The following HADH variants were observed in gnomAD, a reference collection of about 807,000 sequenced individuals.
The protein encoded by HADH is hydroxyacyl-CoA dehydrogenase, also known as hydroxyacyl-coenzyme A dehydrogenase, mitochondrial.
In HADH, 24 loss-of-function variants were observed where a neutral mutation model predicts 32.2. The ratio of observed to expected loss-of-function variants is 0.75; its 90% CI spans 0.54 to 1.05. HADH has a LOEUF of 1.05. HADH is among the 50% of genes least tolerant of loss of function. HADH has a pLI of 0.00. For missense variants in HADH, 350 were observed against 397.1 expected (o/e 0.88, Z 1.01); for synonymous variants, 139 against 152.5 (o/e 0.91, Z 0.65).
intron 5 of HADH, chr4:108,026,025 A>G (rs1736057880): frequency 2.0e-5 from 3 of 152,142 alleles, no homozygotes; most frequent in African/African-American, 7.2e-5. Context: ...TTTTTTGATT[A>G]CTAGTGAGTT....
rs11423497 is a variant in HADH, at chr4:107,993,906, G to GTT, written c.132+3848_132+3849dup. On this transcript the variant is annotated intron_variant, in intron 1 of 7. Transcript: ENST00000309522. ...ATGAGCCTTGAGTGGGGGACAGGTTGTTTTTTTGCTTTATAAAGAGGAAAA... is the reference window on the plus strand; with the variant it reads ...ATGAGCCTTGAGTGGGGGACAGGTTGTTTTTTTTTGCTTTATAAAGAGGAAAA... 5.9e-5 allele frequency among the ~76,000 whole-genome samples: 9 copies of GTT among 152,068 alleles called. 1 individual carries two copies. The highest frequency in any genetic ancestry group is 1.7e-4 in the African/African-American group (7 of 41,428).
rs533061638 is a variant in HADH, at chr4:108,003,479, C to T, written c.133-6280C>T. On this transcript the variant is annotated intron_variant, in intron 1 of 7. Transcript: ENST00000309522. ...TTCAAATCATAGCCAGGTTTTAAAC[C>T]CAGGAACTCCAACTATAGGCTTGTT... Among the ~76,000 whole-genome samples the T allele has an allele frequency of 1.8e-4, 27 of 152,220 alleles. 2 individuals carry two copies. The South Asian group carries it at 2.7e-3, about 15-fold the overall frequency.
At position 108,024,691 on chromosome 4, in the gene HADH, T is replaced by C. The variant is rs1490178947; in HGVS notation, c.636+1128T>C. The C allele has an allele frequency of 2.0e-5, 3 of 152,390 alleles. No homozygotes were observed. The East Asian group carries it at 5.8e-4, about 29-fold the overall frequency. 9.4% of individuals were successfully genotyped at this position (152,390 alleles called of 1,614,324 possible). A position where few individuals can be genotyped will look rare whatever the true frequency, so the allele number is the denominator to read the frequency against. On this transcript the variant is annotated intron_variant, in intron 5 of 7. Coordinates refer to ENST00000309522, the MANE Select transcript of HADH (RefSeq NM_005327.7). ...AATTGGATGTTATGATTGTACTTTC[T>C]TACGCAGTTATGCTTTGTTAGTGGA...
intron 5 of HADH, chr4:108,026,420 T>C (rs764318502): frequency 1.3e-5 from 2 of 152,208 alleles, no homozygotes; most frequent in Non-Finnish European, 2.9e-5. Flanking sequence ...ATATTAACTG[T>C]TGGAGCTTCA....
chr4:108,019,763 A>T (rs1735822471), intron 4 of HADH, 97 bp downstream of exon 4: 18 of 1,439,848 alleles, frequency 1.3e-5, no homozygotes, highest in Non-Finnish European at 1.8e-5. Flanking sequence ...GTTGCCTAGG[A>T]TGGGTTTTAA....
chr4:107,990,743 C>CTTTTTT (rs553014808), intron 1 of HADH, among the ~76,000 whole-genome samples: 31 of 111,836 alleles, frequency 2.8e-4, no homozygotes, highest in African/African-American at 3.7e-4. Context: ...AAGTCTCTCT[C>CTTTTTT]TTTTTTTTTT....
At chr4:107,990,551 C>T (rs1734750780) in intron 1 of HADH, among the ~76,000 whole-genome samples, 1 of 152,192 alleles carries the variant, frequency 6.6e-6, no homozygotes, top group South Asian at 2.1e-4. Context: ...TCCTAAACGG[C>T]CTCCCGGCTC....
At chr4:108,032,536 A>C in intron 6 of HADH, 1 of 540,070 alleles carries the variant, frequency 1.9e-6, no homozygotes, top group Non-Finnish European at 3.4e-6. Context: ...TAAATCAAAA[A>C]TATGCTGTAG....
At chr4:108,003,642 TAGA>T (rs2126222844) in intron 1 of HADH, among the ~76,000 whole-genome samples, 1 of 151,968 alleles carries the variant, frequency 6.6e-6, no homozygotes, top group South Asian at 2.1e-4. Context: ...TGTAAAAAAA[TAGA>T]AGGACACAGA....
chr4:108,012,953 G>C (rs1735549693), intron 2 of HADH, among the ~76,000 whole-genome samples: 1 of 152,018 alleles, frequency 6.6e-6, no homozygotes. Flanking sequence ...TTGTTGAGAC[G>C]GAGGAGTCTT....
In HADH at chr4:108,023,813, T is replaced by A. The variant is rs1357021395; in HGVS notation, c.636+250T>A. The A allele has an allele frequency of 4.5e-5, 22 of 489,832 alleles. No homozygotes were observed. The East Asian group carries it at 7.9e-4, about 18-fold the overall frequency. 30.3% of individuals were successfully genotyped at this position (489,832 alleles called of 1,614,324 possible). A position where few individuals can be genotyped will look rare whatever the true frequency, so the allele number is the denominator to read the frequency against. ...CCTGAATGGAGCTCAGGACACCAGC[T>A]GAGTAGAAGACACGGGACTGCTCTC... On this transcript the variant is annotated intron_variant, in intron 5 of 7. Transcript: ENST00000309522.
At chr4:107,993,103 G>A (rs1294754780) in intron 1 of HADH, among the ~76,000 whole-genome samples, 2 of 152,320 alleles carry the variant, frequency 1.3e-5, no homozygotes, top group Middle Eastern at 3.4e-3. Context: ...GCAACAGAGC[G>A]AGACTCCGTC....
In HADH at chr4:107,993,845, G is replaced by A. The variant is rs1734880877; in HGVS notation, c.132+3781G>A. Among the ~76,000 whole-genome samples, 3 of 152,132 alleles carry A rather than the reference G, an allele frequency of 2.0e-5. No individual in the cohort carries two copies. In the South Asian group the frequency reaches 6.2e-4, roughly 32 times the overall value. ...TTTTGATTGCTAATTTATCTTCACT[G>A]GATACTTAGGCCAATAAAGAAGCTT... On this transcript the variant is annotated intron_variant, in intron 1 of 7. Transcript: ENST00000309522.
intron 6 of HADH, chr4:108,029,174 C>T: frequency 3.1e-6 from 1 of 326,032 alleles, no homozygotes; most frequent in Non-Finnish European, 5.5e-6. Context: ...TCCCCCCGCC[C>T]ACCACCTGCT....
chr4:108,019,003 T>C (rs1055715903), intron 3 of HADH, among the ~76,000 whole-genome samples: 1 of 152,230 alleles, frequency 6.6e-6, no homozygotes, highest in African/African-American at 2.4e-5. Context: ...GTTCTTGTTT[T>C]CATTTTAATT....
chr4:108,002,068 T>C (rs189941730), intron 1 of HADH, among the ~76,000 whole-genome samples: 1 of 152,314 alleles, frequency 6.6e-6, no homozygotes. Flanking sequence ...TCTGTATTCA[T>C]GAACAGCTTA....
Position 108,034,332 on chromosome 4 carries a change from G to A in HADH, c.920G>A (p.Gly307Glu). ...VAENKFGKKT[G>E]EGFYKYK ...GAGAACAAGTTCGGCAAGAAGACTGGAGAAGGATTTTACAAATACAAGTGA... is the reference window on the plus strand; with the variant it reads ...GAGAACAAGTTCGGCAAGAAGACTGAAGAAGGATTTTACAAATACAAGTGA... Residue 307 changes from glycine (G) to glutamate (E), a missense_variant, in exon 8 of 8, where the codon GGA (glycine) becomes GAA (glutamate). Gly to Glu is a moderately conservative substitution (Grantham distance 98). Coordinates refer to ENST00000309522, the MANE Select transcript of HADH (RefSeq NM_005327.7). 6.2e-7 allele frequency: 1 copy of A among 1,608,812 alleles called. No homozygotes were observed. The highest frequency in any genetic ancestry group is 8.5e-7 in the Non-Finnish European group (1 of 1,175,122).
At chr4:108,021,752 C>T (rs1488984589) in intron 4 of HADH, among the ~76,000 whole-genome samples, 1 of 152,154 alleles carries the variant, frequency 6.6e-6, no homozygotes, top group Non-Finnish European at 1.5e-5. Context: ...TTGATGGAGA[C>T]TTTTTAGACC....
chr4:108,034,112 G>A (rs536542028), intron 7 of HADH, 127 bp from the exon 8 acceptor site: 49 of 767,914 alleles, frequency 6.4e-5, no homozygotes, highest in Middle Eastern at 2.4e-4. Context: ...AGTGGTGGCC[G>A]GAGGGGCGCC....
Sources: gnomAD v4.1 joint callset for allele counts (sites outside exome capture counted in the v4.1 genomes callset) on GRCh38, gnomAD v4.1.1 for gene constraint, MANE v1.5 for transcripts, NCBI Gene and HGNC (gene_info 2026-07-23, HGNC 2026-07-21) for gene names.